Variants in SHISA6 observed in about 807,000 individuals in gnomAD.
SHISA6 encodes the protein protein shisa-6.
Under a neutral mutation model 47.9 loss-of-function variants are expected in SHISA6, and 22 were observed. That is an observed-to-expected ratio of 0.46 (90% CI 0.33 to 0.66). SHISA6 has a LOEUF of 0.66. SHISA6 is among the 30% of genes least tolerant of loss of function. The pLI is 0.02. For synonymous variants in SHISA6, 388 were observed against 337.8 expected (o/e 1.15, Z -1.63); for missense variants, 680 against 764.6 (o/e 0.89, Z 1.30).
At chr17:11,407,250 C>G (rs1360491510) in intron 3 of SHISA6, among the ~76,000 whole-genome samples, 2 of 151,888 alleles carry the variant, frequency 1.3e-5, no homozygotes, top group Non-Finnish European at 2.9e-5. Context: ...GTTAGGTAAC[C>G]TGGCCAACAT....
rs527510200 is a variant in SHISA6 at position 11,336,150 on chromosome 17, A to C, written c.800-43264A>C. Among the ~76,000 whole-genome samples the C allele has an allele frequency of 7.9e-5, 12 of 152,234 alleles. No homozygotes were observed. In the South Asian group the frequency reaches 2.5e-3, roughly 32 times the overall value. On this transcript the variant is annotated intron_variant, in intron 2 of 5. Coordinates refer to ENST00000441885, the MANE Select transcript of SHISA6 (RefSeq NM_207386.4). ...CTTCAACCTGGGAGGTGGAGGTTGC[A>C]GTGAGCTGAGATCGTGCCACTGCCT... is the stretch of plus-strand genomic sequence containing the variant.
chr17:11,280,970 A>G (rs1909095706), intron 2 of SHISA6, among the ~76,000 whole-genome samples: 1 of 152,190 alleles, frequency 6.6e-6, no homozygotes. Flanking sequence ...TCAATTTCTG[A>G]TTGTTTATTG....
intron 2 of SHISA6, among the ~76,000 whole-genome samples, chr17:11,277,399 T>C (rs1439535851): frequency 1.3e-5 from 2 of 151,922 alleles, no homozygotes; most frequent in Non-Finnish European, 2.9e-5. Context: ...ATCAGAATGA[T>C]AAGCAAATCA....
intron 2 of SHISA6, among the ~76,000 whole-genome samples, chr17:11,346,441 C>G (rs1283383290): frequency 6.6e-6 from 1 of 152,078 alleles, no homozygotes; most frequent in African/African-American, 2.4e-5. Flanking sequence ...GTTTCTAGAT[C>G]TAAAGAACCA....
intron 3 of SHISA6, among the ~76,000 whole-genome samples, chr17:11,528,511 T>C (rs2071705377): frequency 6.6e-6 from 1 of 152,168 alleles, no homozygotes; most frequent in Non-Finnish European, 1.5e-5. Flanking sequence ...TGAAAGGTAA[T>C]ATACAATTGT....
chr17:11,452,932 C>T (rs1049190410), intron 3 of SHISA6, among the ~76,000 whole-genome samples: 1 of 149,998 alleles, frequency 6.7e-6, no homozygotes, highest in Non-Finnish European at 1.5e-5. Flanking sequence ...CCCTTCTCCC[C>T]CTCCTCTTCC....
chr17:11,270,596 A>G (rs1329834032), intron 2 of SHISA6, among the ~76,000 whole-genome samples: 2 of 152,200 alleles, frequency 1.3e-5, no homozygotes, highest in Non-Finnish European at 2.9e-5. Context: ...TGTGGCAACT[A>G]CCCAGTTCTG....
chr17:11,530,470 A>G (rs1311598646), intron 3 of SHISA6, among the ~76,000 whole-genome samples: 1 of 152,188 alleles, frequency 6.6e-6, no homozygotes, highest in African/African-American at 2.4e-5. Context: ...GTTCAATTTT[A>G]CTTTCTGGTT....
chr17:11,550,813 G>A (rs1597582579), intron 3 of SHISA6, among the ~76,000 whole-genome samples: 1 of 152,344 alleles, frequency 6.6e-6, no homozygotes, highest in East Asian at 1.9e-4. Flanking sequence ...GCAAGTGGAT[G>A]TAAACCTTGG....
At chr17:11,450,383 G>A (rs552461203) in intron 3 of SHISA6, among the ~76,000 whole-genome samples, 29 of 152,086 alleles carry the variant, frequency 1.9e-4, no homozygotes, top group Admixed American at 1.5e-3. Context: ...AAGGTCGGGC[G>A]CAGTGGCTCA....
intron 2 of SHISA6, among the ~76,000 whole-genome samples, chr17:11,274,986 A>T (rs758047256): frequency 1.3e-5 from 2 of 152,056 alleles, no homozygotes; most frequent in Non-Finnish European, 2.9e-5. Flanking sequence ...GGCGATGCAT[A>T]AGGGACTAAA....
In SHISA6 at chr17:11,379,502, C is replaced by T. The variant is rs1460505259; in HGVS notation, c.888C>T (p.His296=). 6.5e-7 allele frequency: 1 copy of T among 1,536,444 alleles called. No individual in the cohort carries two copies. Among genetic ancestry groups the T allele is most frequent in the African/African-American group, 1.4e-5 (1 of 72,118 alleles). Residue 296 remains histidine, a synonymous_variant, in exon 3 of 6, where the codon CAC becomes CAT. Transcript: ENST00000441885. ...SSGFVTLGRG[H]TKGDHQYNHP... The stretch of plus-strand genomic sequence containing the variant: ...GATTTGTCACATTAGGAAGAGGACA[C>T]ACCAAGGGTACAGTGGAAACCATTT...
intron 2 of SHISA6, among the ~76,000 whole-genome samples, chr17:11,346,436 T>G (rs1390396710): frequency 1.3e-5 from 2 of 152,192 alleles, no homozygotes; most frequent in African/African-American, 4.8e-5. Context: ...AAATTGTTTC[T>G]AGATCTAAAG....
chr17:11,526,037 TA>T (rs1328101046), intron 3 of SHISA6, among the ~76,000 whole-genome samples: 1 of 148,274 alleles, frequency 6.7e-6, no homozygotes. Context: ...CTGTCTTCAA[TA>T]AACTAAGGGT....
intron 2 of SHISA6, among the ~76,000 whole-genome samples, chr17:11,323,837 G>T (rs766811688): frequency 9.5e-4 from 145 of 151,956 alleles, no homozygotes; most frequent in Admixed American, 1.4e-3. Flanking sequence ...CTCATCCACA[G>T]TCTCAGCTCT....
chr17:11,305,702 G>GACC (rs2142181427), intron 2 of SHISA6, among the ~76,000 whole-genome samples: 1 of 152,274 alleles, frequency 6.6e-6, no homozygotes, highest in East Asian at 1.9e-4. Flanking sequence ...GTCCAAGCTG[G>GACC]ACCACAACAG....
chr17:11,481,731 T>C (rs1378162850), intron 3 of SHISA6, among the ~76,000 whole-genome samples: 3 of 151,948 alleles, frequency 2.0e-5, no homozygotes, highest in Admixed American at 6.6e-5. Flanking sequence ...GACCTCATGA[T>C]CCACCCACCT....
intron 3 of SHISA6, among the ~76,000 whole-genome samples, chr17:11,387,882 G>T (rs1255177724): frequency 6.6e-6 from 1 of 152,142 alleles, no homozygotes; most frequent in African/African-American, 2.4e-5. Context: ...AGCCCTTTCT[G>T]CAGCCCCACA....
intron 3 of SHISA6, among the ~76,000 whole-genome samples, chr17:11,550,937 TAAGGCCA>T (rs2071927080): frequency 6.6e-6 from 1 of 152,104 alleles, no homozygotes; most frequent in Non-Finnish European, 1.5e-5. Context: ...AGCCAGAGTA[TAAGGCCA>T]AAGGCAGGAA....
Sources: allele counts gnomAD v4.1 joint callset (sites outside exome capture counted in the v4.1 genomes callset), GRCh38; gene constraint gnomAD v4.1.1; transcripts MANE v1.5; gene names NCBI Gene and HGNC (gene_info 2026-07-23, HGNC 2026-07-21).